TEX15: variants seen among roughly 807,000 people sequenced by gnomAD.
TEX15 encodes testis expressed 15, meiosis and synapsis associated, also known as testis-expressed protein 15.
A neutral mutation model predicts 237.3 loss-of-function variants in TEX15; 171 were observed. The ratio of observed to expected loss-of-function variants is 0.72; its 90% CI spans 0.64 to 0.82. TEX15 has a LOEUF of 0.82. Among genes scored for constraint, TEX15 ranks in the 40% least tolerant of loss-of-function variants. TEX15 has a pLI of 0.00. For missense variants in TEX15, 3,750 were observed against 3,646.5 expected (o/e 1.03, Z -0.73); for synonymous variants, 1,338 against 1,269.8 (o/e 1.05, Z -1.14).
chr8:30,905,160 C>T (rs1303505689), intron 1 of TEX15, among the ~76,000 whole-genome samples: 1 of 151,458 alleles, frequency 6.6e-6, no homozygotes, highest in Non-Finnish European at 1.5e-5. Context: ...AAACAGGCTT[C>T]TCAAAAATTC....
At position 30,844,904 on chromosome 8, in the gene TEX15, G is replaced by A; in HGVS notation, c.5263C>T (p.Pro1755Ser). Residue 1755 changes from proline (P) to serine (S), a missense_variant, in exon 8 of 11, where the codon CCA becomes TCA. Physicochemically the swap from Pro to Ser is moderately conservative, Grantham distance 74. Transcript: ENST00000643185. The part of the protein sequence containing the change: ...VDSFAASSTV[P>S]HCEQSCREKE... Reference sequence around the variant, plus strand: ...TCTCTACAGCTCTGCTCACAGTGTGGTACAGTACTGGATGCTGCAAAAGAA... The same window carrying A: ...TCTCTACAGCTCTGCTCACAGTGTGATACAGTACTGGATGCTGCAAAAGAA... 1.2e-6 allele frequency: 2 copies of A among 1,613,336 alleles called. No individual in the cohort carries two copies. The highest frequency in any genetic ancestry group is 2.2e-5 in the East Asian group (1 of 44,870).
At chr8:30,911,935 G>GT (rs1222778003) in intron 1 of TEX15, among the ~76,000 whole-genome samples, 5 of 152,128 alleles carry the variant, frequency 3.3e-5, no homozygotes, top group African/African-American at 1.2e-4. Flanking sequence ...GACCCGAGGG[G>GT]TTTCACTCCC....
chr8:30,881,106 T>G (rs577230625), intron 3 of TEX15, among the ~76,000 whole-genome samples: 1 of 152,302 alleles, frequency 6.6e-6, no homozygotes, highest in East Asian at 1.9e-4. Flanking sequence ...CATTCACCTC[T>G]CAGTTGTGTG....
rs1351838423 is a variant in TEX15, at chr8:30,842,320, A to G, written c.7847T>C (p.Met2616Thr). The part of the protein sequence containing the change: ...LGKMAHIRKV[M>T]KTIEHMKMIC... ...CATCTTCATATGTTCAATCGTTTTC[A>G]TGACTTTCCTAATGTGGGCCATTTT... The change falls in exon 8 of 11, where the codon ATG (methionine) becomes ACG (threonine). Residue 2616 changes from methionine to threonine, a missense_variant. Coordinates refer to ENST00000643185, the MANE Select transcript of TEX15 (RefSeq NM_001350162.2). 1.9e-6 allele frequency: 3 copies of G among 1,613,718 alleles called. No individual in the cohort carries two copies. The highest frequency in any genetic ancestry group is 2.5e-6 in the Non-Finnish European group (3 of 1,179,882).
intron 8 of TEX15, 108 bp from the exon 9 acceptor site, chr8:30,840,072 CTAAAGT>C (rs1042775133): frequency 4.9e-6 from 3 of 609,038 alleles, no homozygotes; most frequent in Non-Finnish European, 7.6e-6. Context: ...CTGCCATCAT[CTAAAGT>C]TAAACTAATT....
Position 30,846,489 on chromosome 8 carries a change from C to T in TEX15, c.3678G>A (p.Arg1226=), listed in dbSNP as rs748119205. The T allele has an allele frequency of 1.9e-6, 3 of 1,613,436 alleles. No homozygotes were observed. The highest frequency in any genetic ancestry group is 1.7e-5 in the Admixed American group (1 of 59,996). The change falls in exon 8 of 11, where the codon AGG becomes AGA. Residue 1226 remains arginine (R), a synonymous_variant. Transcript: ENST00000643185. The part of the protein sequence containing the change: ...YPCEDKVDNI[R]QESGPVSNSE... ...AGTTACTCACTGGCCCTGATTCTTGCCTTATATTATCAACTTTATCTTCAC... is the reference window on the plus strand; with the variant it reads ...AGTTACTCACTGGCCCTGATTCTTGTCTTATATTATCAACTTTATCTTCAC...
chr8:30,851,664 T>C (rs1807787085), intron 7 of TEX15, among the ~76,000 whole-genome samples: 1 of 148,754 alleles, frequency 6.7e-6, no homozygotes, highest in African/African-American at 2.5e-5. Context: ...TGGATTAATA[T>C]ATACCAATGT....
chr8:30,909,394 A>ACCCCCCCCCCACCCCCCCCCCCC (rs35046956), intron 1 of TEX15, among the ~76,000 whole-genome samples: 1 of 118,340 alleles, frequency 8.5e-6, no homozygotes, highest in African/African-American at 3.6e-5. Context: ...TTAAAGACAG[A>ACCCCCCCCCCACCCCCCCCCCCC]CCCCCCCCCG....
rs891596212 is a variant in TEX15 at position 30,846,227 on chromosome 8, G to A, written c.3940C>T (p.Pro1314Ser). Residue 1314 changes from proline (P) to serine (S), a missense_variant, in exon 8 of 11, where the codon CCA becomes TCA. Transcript: ENST00000643185. ...LHISSRDQNI[P>S]HKDLRRHKIY... ...TTATGTCGTCTTAAATCTTTATGTGGTATGTTCTGATCCCTGGAAGATATA... is the reference window on the plus strand; with the variant it reads ...TTATGTCGTCTTAAATCTTTATGTGATATGTTCTGATCCCTGGAAGATATA... 4.3e-6 allele frequency: 7 copies of A among 1,613,384 alleles called. No homozygotes were observed. The African/African-American group carries it at 9.4e-5, about 22-fold the overall frequency.
chr8:30,847,101 T>C lies in TEX15; in HGVS notation c.3066A>G (p.Val1022=). The C allele has an allele frequency of 1.9e-6, 3 of 1,613,694 alleles. No homozygotes were observed. The highest frequency in any genetic ancestry group is 2.5e-6 in the Non-Finnish European group (3 of 1,179,830). The change falls in exon 8 of 11, where the codon GTA becomes GTG. Residue 1022 remains valine, a synonymous_variant. Coordinates refer to ENST00000643185, the MANE Select transcript of TEX15 (RefSeq NM_001350162.2). The part of the protein sequence containing the change: ...SSESPDFGLL[V]KHRVSDCEID... ...TTTCACAATCAGAAACCCTATGTTT[T>C]ACTAACAAACCAAAATCTGGACTTT...
At chr8:30,897,335 T>C (rs941847004) in intron 2 of TEX15, among the ~76,000 whole-genome samples, 1 of 152,224 alleles carries the variant, frequency 6.6e-6, no homozygotes, top group Non-Finnish European at 1.5e-5. Context: ...GCTCCACATA[T>C]AGGCATATGC....
rs544409727 is a variant in TEX15, at chr8:30,832,314, G to C, written c.*972C>G. ...AACCAATTCTCTTGTCACATTTTAG[G>C]GCTAACCCTTGAGAAAGGTCTATCC... On this transcript the variant is annotated 3_prime_UTR_variant, in exon 11 of 11. Transcript: ENST00000643185. The C allele has an allele frequency of 2.0e-5, 3 of 152,084 alleles. No individual in the cohort carries two copies. The highest frequency in any genetic ancestry group is 4.4e-5 in the Non-Finnish European group (3 of 67,996). The allele number at this position is 152,084 out of a possible 1,614,324, so 9.4% of individuals were successfully genotyped here.
chr8:30,854,411 A>G (rs1364358067), intron 7 of TEX15, among the ~76,000 whole-genome samples: 1 of 152,090 alleles, frequency 6.6e-6, no homozygotes, highest in Non-Finnish European at 1.5e-5. Flanking sequence ...ACAACTTCCA[A>G]TAAAACCAGA....
In TEX15 at chr8:30,843,529, T is replaced by C. The variant is rs1220201665; in HGVS notation, c.6638A>G (p.Lys2213Arg). 6.2e-7 allele frequency: 1 copy of C among 1,613,128 alleles called. No homozygotes were observed. The highest frequency in any genetic ancestry group is 8.5e-7 in the Non-Finnish European group (1 of 1,179,672). ...TACATTGATCAACTTTAAAGTACTT[T>C]TTCTTAAGATTTCCAGGTCTTCTAA... ...DSLEDLEILRKSTLKLINVCG... is the reference protein window; with the variant it reads ...DSLEDLEILRRSTLKLINVCG... Residue 2213 changes from lysine to arginine, a missense_variant, in exon 8 of 11, where the codon AAA (lysine) becomes AGA (arginine). Lys to Arg is a conservative substitution (Grantham distance 26). Coordinates refer to ENST00000643185, the MANE Select transcript of TEX15 (RefSeq NM_001350162.2).
At position 30,843,074 on chromosome 8, in the gene TEX15, C is replaced by T. The variant is rs1359990085; in HGVS notation, c.7093G>A (p.Ala2365Thr). The T allele has an allele frequency of 6.2e-7, 1 of 1,613,092 alleles. No individual in the cohort carries two copies. Among genetic ancestry groups the T allele is most frequent in the Non-Finnish European group, 8.5e-7 (1 of 1,179,644 alleles). ...CTAATACAACAAATATCTGGGTGTG[C>T]AAGCAAATTACTGTTAAATTTAGAA... ...ENSKFNSNLL[A>T]HPDICCISEI... Residue 2365 changes from alanine to threonine, a missense_variant, in exon 8 of 11, where the codon GCA (alanine) becomes ACA (threonine). Physicochemically the swap from Ala to Thr is moderately conservative, Grantham distance 58 (BLOSUM62 0). Coordinates refer to ENST00000643185, the MANE Select transcript of TEX15 (RefSeq NM_001350162.2).
Position 30,887,255 on chromosome 8 carries a change from G to A in TEX15, c.48C>T (p.Ser16=). ...TAKQDTLWQM[S]STSKPVLNTR... ...TATTCAACACGGGTTTGCTAGTTGA[G>A]CTCATTTGCCACAGTGTATCCTGTT... Residue 16 remains serine (S), a synonymous_variant, in exon 3 of 11, where the codon AGC becomes AGT. Coordinates refer to ENST00000643185, the MANE Select transcript of TEX15 (RefSeq NM_001350162.2). 1 of 1,535,856 alleles carries A rather than the reference G, an allele frequency of 6.5e-7. No individual in the cohort carries two copies. Among genetic ancestry groups the A allele is most frequent in the South Asian group, 1.2e-5 (1 of 84,024 alleles).
At chr8:30,836,761 A>G in intron 10 of TEX15, 42 bp downstream of exon 10, 1 of 1,499,758 alleles carries the variant, frequency 6.7e-7, no homozygotes, top group Non-Finnish European at 9.0e-7. Context: ...CACAGTTAAA[A>G]GTAACAACTC....
intron 1 of TEX15, among the ~76,000 whole-genome samples, chr8:30,912,172 C>G (rs1809235244): frequency 6.6e-6 from 1 of 152,178 alleles, no homozygotes; most frequent in South Asian, 2.1e-4. Flanking sequence ...CCGGCTCCTG[C>G]AGCGAGACAG....
At chr8:30,856,740 CAT>C (rs1197686277) in intron 7 of TEX15, among the ~76,000 whole-genome samples, 1 of 151,126 alleles carries the variant, frequency 6.6e-6, no homozygotes, top group Non-Finnish European at 1.5e-5. Context: ...AAATAAAAGA[CAT>C]GTAAGATATT....
Sources: allele counts gnomAD v4.1 joint callset (sites outside exome capture counted in the v4.1 genomes callset), GRCh38; gene constraint gnomAD v4.1.1; transcripts MANE v1.5; gene names NCBI Gene and HGNC (gene_info 2026-07-23, HGNC 2026-07-21).